Variants in ACTN1 observed in about 807,000 individuals in gnomAD.
ACTN1 encodes actinin alpha 1.
A neutral mutation model predicts 119.6 loss-of-function variants in ACTN1; 30 were observed. The observed-to-expected ratio is 0.25, with a 90% CI of 0.19 to 0.34. The LOEUF is 0.34. Ranked by LOEUF, ACTN1 falls within the 10% of genes least tolerant of loss-of-function variation. The pLI is 1.00. For missense variants in ACTN1, 764 were observed against 1,223.4 expected (o/e 0.62, Z 5.60); for synonymous variants, 429 against 472.6 (o/e 0.91, Z 1.20).
At chr14:68,948,003 A>G (rs528313971) in intron 1 of ACTN1, among the ~76,000 whole-genome samples, 2 of 152,294 alleles carry the variant, frequency 1.3e-5, no homozygotes, top group Non-Finnish European at 2.9e-5. Context: ...AGAGTTTAGC[A>G]ACTCCCATCT....
intron 3 of ACTN1, among the ~76,000 whole-genome samples, chr14:68,915,978 C>T (rs1030345350): frequency 1.3e-5 from 2 of 152,210 alleles, no homozygotes; most frequent in South Asian, 2.1e-4. Context: ...CGTGCCACTG[C>T]ACTCCAGACT....
At chr14:68,920,397 C>T (rs1368632035) in intron 3 of ACTN1, among the ~76,000 whole-genome samples, 2 of 152,204 alleles carry the variant, frequency 1.3e-5, no homozygotes, top group Non-Finnish European at 2.9e-5. Context: ...TTTCTGCCCA[C>T]TCTAAACAAC....
Position 68,880,850 on chromosome 14 carries a change from G to A in ACTN1, c.2093C>T (p.Ala698Val), listed in dbSNP as rs2031440572. 6.2e-7 allele frequency: 1 copy of A among 1,613,990 alleles called. No homozygotes were observed. The highest frequency in any genetic ancestry group is 1.3e-5 in the African/African-American group (1 of 74,912). ...GGTGTGCTTGTTGTCGAAGATGAGCGCCTCCTGGATGAGCTGGTGGTCGCC... is the reference window on the plus strand; with the variant it reads ...GGTGTGCTTGTTGTCGAAGATGAGCACCTCCTGGATGAGCTGGTGGTCGCC... ...LEGDHQLIQE[A>V]LIFDNKHTNY... Residue 698 changes from alanine (A) to valine (V), a missense_variant, in exon 17 of 22, where the codon GCG becomes GTG. Ala to Val is a moderately conservative substitution (Grantham distance 64). Around this residue, in one of 4 missense-constraint regions of ACTN1, gnomAD observed 544 missense variants for 912.0 expected, o/e 0.60. Transcript: ENST00000394419. The surrounding 1 kb of genome is among the most constrained non-coding windows in gnomAD (Gnocchi z 4.6).
At chr14:68,912,133 G>A (rs2034046614) in intron 4 of ACTN1, 23 bp downstream of exon 4, 3 of 1,610,820 alleles carry the variant, frequency 1.9e-6, no homozygotes, top group Non-Finnish European at 8.5e-7. Context: ...GTGATGGCGG[G>A]ATGGAACAAA....
intron 1 of ACTN1, among the ~76,000 whole-genome samples, chr14:68,962,976 A>C (rs1179298177): frequency 6.6e-6 from 1 of 152,000 alleles, no homozygotes; most frequent in Admixed American, 6.6e-5. Context: ...ACCAGTCCTC[A>C]CTGTTGCCCA....
At chr14:68,971,829 G>C (rs945541988) in intron 1 of ACTN1, among the ~76,000 whole-genome samples, 2 of 152,180 alleles carry the variant, frequency 1.3e-5, no homozygotes, top group Non-Finnish European at 2.9e-5. Context: ...AGTTTCCAGG[G>C]GAACAGCCTC....
Position 68,883,423 on chromosome 14 carries a change from T to C in ACTN1, c.1636-368A>G, listed in dbSNP as rs181848411. ...CAGTATTCTGCAACTGCATGAAAGA[T>C]TGAGGAAGCTGCTAATTGATGTGAA... On this transcript the variant is annotated intron_variant, in intron 14 of 21. Transcript: ENST00000394419. 404 of 202,378 alleles carry C rather than the reference T, an allele frequency of 2.0e-3. 2 individuals are homozygous for C. The highest frequency in any genetic ancestry group is 3.2e-3 in the Non-Finnish European group (319 of 98,632). The allele number at this position is 202,378 out of a possible 1,614,324, so 12.5% of individuals were successfully genotyped here.
Position 68,893,733 on chromosome 14 carries a change from G to A in ACTN1, c.777C>T (p.Ala259=). Residue 259 remains alanine (A), a synonymous_variant, in exon 9 of 22, where the codon GCC becomes GCT. Coordinates refer to ENST00000394419, the MANE Select transcript of ACTN1 (RefSeq NM_001130004.2). ...FSGAQKAETA[A]NRICKVLAVN... Reference sequence around the variant, plus strand: ...CGGCCAACACCTTGCAGATGCGATTGGCTGCTGTCTCCGCCTGGCAACAAG... The same window carrying A: ...CGGCCAACACCTTGCAGATGCGATTAGCTGCTGTCTCCGCCTGGCAACAAG... The A allele has an allele frequency of 6.2e-7, 1 of 1,613,942 alleles. No homozygotes were observed. Among genetic ancestry groups the A allele is most frequent in the Non-Finnish European group, 8.5e-7 (1 of 1,179,988 alleles).
At chr14:68,950,586 G>C (rs1312594633) in intron 1 of ACTN1, among the ~76,000 whole-genome samples, 1 of 150,402 alleles carries the variant, frequency 6.6e-6, no homozygotes, top group Non-Finnish European at 1.5e-5. Flanking sequence ...TTTTGAGACG[G>C]AGTCTCACTC....
chr14:68,960,641 T>G (rs1035024806), intron 1 of ACTN1, among the ~76,000 whole-genome samples: 2 of 151,832 alleles, frequency 1.3e-5, no homozygotes, highest in African/African-American at 4.8e-5. Context: ...CCAGGCACAG[T>G]GGCTCCTACC....
At position 68,879,934 on chromosome 14, in the gene ACTN1, C is replaced by T; in HGVS notation, c.2280+28G>A. On this transcript the variant is annotated intron_variant, in intron 18 of 21. Coordinates refer to ENST00000394419, the MANE Select transcript of ACTN1 (RefSeq NM_001130004.2). The surrounding 1 kb of genome is among the most constrained non-coding windows in gnomAD (Gnocchi z 4.9). ...CCTGGGGCAGGGGTTGGGGGCTGCA[C>T]TAAGAAAGCACAGGATGGGGCTCTC... The T allele has an allele frequency of 6.2e-7, 1 of 1,611,054 alleles. No homozygotes were observed. Among genetic ancestry groups the T allele is most frequent in the Non-Finnish European group, 8.5e-7 (1 of 1,177,664 alleles).
In ACTN1 at chr14:68,902,537, A is replaced by G. The variant is rs753850777; in HGVS notation, c.702T>C (p.Asp234=). 5 of 1,613,474 alleles carry G rather than the reference A, an allele frequency of 3.1e-6. No homozygotes were observed. In the South Asian group the frequency reaches 5.5e-5, roughly 18 times the overall value. The change falls in exon 8 of 22, where the codon GAT becomes GAC. Residue 234 remains aspartate, a synonymous_variant. Transcript: ENST00000394419. ...ACACGTAAGTCATGATGGCTTTCTC[A>G]TCCGGTCGGGCAGTTCCAACGATGT... is the stretch of plus-strand genomic sequence containing the variant. ...AEDIVGTARP[D]EKAIMTYVSS... is the part of the protein sequence containing the mutation.
chr14:68,958,039 C>T (rs1045860094), intron 1 of ACTN1, among the ~76,000 whole-genome samples: 6 of 152,140 alleles, frequency 3.9e-5, no homozygotes, highest in Admixed American at 1.3e-4. Context: ...CTTCTCACAC[C>T]GAAGCGCATC....
At chr14:68,899,956 G>C (rs2033201995) in intron 8 of ACTN1, among the ~76,000 whole-genome samples, 1 of 152,142 alleles carries the variant, frequency 6.6e-6, no homozygotes. Flanking sequence ...AGGGGCACAG[G>C]AACAGCAGCA....
intron 8 of ACTN1, among the ~76,000 whole-genome samples, chr14:68,900,043 G>T (rs2033207691): frequency 1.3e-5 from 2 of 152,074 alleles, no homozygotes; most frequent in South Asian, 2.1e-4. Context: ...AGGCTCGGGG[G>T]ATACCTATGA....
At chr14:68,953,158 G>A (rs1218675025) in intron 1 of ACTN1, among the ~76,000 whole-genome samples, 2 of 152,182 alleles carry the variant, frequency 1.3e-5, no homozygotes, top group Admixed American at 6.5e-5. Context: ...GTGAATAACA[G>A]ACATCTTATT....
chr14:68,911,223 C>T (rs1182033845), intron 4 of ACTN1, among the ~76,000 whole-genome samples: 2 of 152,248 alleles, frequency 1.3e-5, no homozygotes, highest in East Asian at 3.8e-4. Context: ...AGCTTAAGCT[C>T]TTCGTCAGCT....
intron 1 of ACTN1, among the ~76,000 whole-genome samples, chr14:68,938,937 G>GC (rs2035659390): frequency 1.3e-5 from 2 of 152,154 alleles, no homozygotes; most frequent in Non-Finnish European, 2.9e-5. Context: ...GCATTTCCTG[G>GC]TTTACACCCA....
chr14:68,934,739 G>A (rs1206066471), intron 1 of ACTN1, among the ~76,000 whole-genome samples: 1 of 152,182 alleles, frequency 6.6e-6, no homozygotes, highest in Non-Finnish European at 1.5e-5. Context: ...AAGTATATTA[G>A]GCTTCATCAT....
Sources: gnomAD v4.1 joint callset for allele counts (sites outside exome capture counted in the v4.1 genomes callset) on GRCh38, gnomAD v4.1.1 for gene constraint, gnomAD v4.1.1 regional missense constraint, Gnocchi (gnomAD v3.1) non-coding constraint, MANE v1.5 for transcripts, NCBI Gene and HGNC (gene_info 2026-07-23, HGNC 2026-07-21) for gene names.